Variants in TRERF1 observed in about 807,000 individuals in gnomAD.
The protein encoded by TRERF1 is transcriptional-regulating factor 1.
Under a neutral mutation model 122.9 loss-of-function variants are expected in TRERF1, and 27 were observed. The ratio of observed to expected loss-of-function variants is 0.22; its 90% CI spans 0.16 to 0.30. The LOEUF is 0.30. Ranked by LOEUF, TRERF1 falls within the 10% of genes least tolerant of loss-of-function variation. TRERF1 has a pLI of 1.00. For synonymous variants in TRERF1, 636 were observed against 641.7 expected (o/e 0.99, Z 0.13); for missense variants, 1,248 against 1,560.3 (o/e 0.80, Z 3.37).
At chr6:42,226,218 T>G (rs1769484835) in exon 18 of TRERF1, 1 of 152,220 alleles carries the variant, frequency 6.6e-6, no homozygotes, top group Non-Finnish European at 1.5e-5. Context: ...CCATGGCAAC[T>G]GAGTTTATTT....
At chr6:42,371,146 C>T (rs975606514) in intron 2 of TRERF1, among the ~76,000 whole-genome samples, 1 of 152,126 alleles carries the variant, frequency 6.6e-6, no homozygotes, top group African/African-American at 2.4e-5. Flanking sequence ...GCAGCAAGAA[C>T]AGAACTGAGA....
intron 3 of TRERF1, among the ~76,000 whole-genome samples, chr6:42,336,075 T>TAGCCACATGTGGC (rs1766115857): frequency 6.6e-6 from 1 of 152,192 alleles, no homozygotes; most frequent in South Asian, 2.1e-4. Context: ...TAAATTTAAA[T>TAGCCACATGTGGC]AGCCACATGT....
At chr6:42,368,115 T>C (rs1319418357) in intron 2 of TRERF1, among the ~76,000 whole-genome samples, 1 of 152,094 alleles carries the variant, frequency 6.6e-6, no homozygotes, top group Non-Finnish European at 1.5e-5. Context: ...CTTGGGAGAT[T>C]GTTCACAATC....
chr6:42,407,440 C>T (rs938434381), intron 2 of TRERF1, among the ~76,000 whole-genome samples: 1 of 152,120 alleles, frequency 6.6e-6, no homozygotes, highest in Non-Finnish European at 1.5e-5. Flanking sequence ...TGGGACAAAA[C>T]GAGGGAGAGT....
At chr6:42,251,014 TGAGACAGG>T (rs1775696272) in intron 13 of TRERF1, among the ~76,000 whole-genome samples, 1 of 139,898 alleles carries the variant, frequency 7.1e-6, no homozygotes. Context: ...TTTTTTTTTT[TGAGACAGG>T]GTCTCACTCT....
Position 42,259,619 on chromosome 6 carries a change from G to A in TRERF1, c.1989C>T (p.Ile663=), listed in dbSNP as rs773831116. ...TCGGGTTGTAGGAGGGCGGCGGCGG[G>A]ATGAAGAGAGGTTCCGGCCGGTGCC... The change falls in exon 9 of 18, where the codon ATC becomes ATT. Residue 663 remains isoleucine, a synonymous_variant. Coordinates refer to ENST00000372922, the Ensembl canonical transcript of TRERF1. This position sits in a 1 kb window ranked among gnomAD's most constrained non-coding sequence, Gnocchi z 4.9. 1 of 1,613,744 alleles carries A rather than the reference G, an allele frequency of 6.2e-7. No individual in the cohort carries two copies. Among genetic ancestry groups the A allele is most frequent in the Non-Finnish European group, 8.5e-7 (1 of 1,179,984 alleles).
At chr6:42,429,903 G>A (rs573552020) in intron 2 of TRERF1, among the ~76,000 whole-genome samples, 1 of 152,312 alleles carries the variant, frequency 6.6e-6, no homozygotes, top group South Asian at 2.1e-4. Context: ...CCTAACTGGA[G>A]AGGTGAGGAA....
At chr6:42,425,584 T>C (rs1221884374) in intron 2 of TRERF1, among the ~76,000 whole-genome samples, 1 of 109,974 alleles carries the variant, frequency 9.1e-6, no homozygotes, top group Non-Finnish European at 1.7e-5. Flanking sequence ...CGCACTGTCG[T>C]CAGGGCTGGA....
chr6:42,441,929 C>T (rs1786594886), intron 2 of TRERF1, among the ~76,000 whole-genome samples: 1 of 152,126 alleles, frequency 6.6e-6, no homozygotes, highest in Non-Finnish European at 1.5e-5. Flanking sequence ...CCCAGGCACA[C>T]AGAGCCATCA....
chr6:42,248,316 G>A (rs1296624776), intron 13 of TRERF1, among the ~76,000 whole-genome samples: 2 of 152,130 alleles, frequency 1.3e-5, no homozygotes, highest in East Asian at 3.9e-4. Context: ...ACAAAAGCAG[G>A]GCCACCACCC....
rs142257528 is a variant in TRERF1 at position 42,228,533 on chromosome 6, C to G, written c.3415G>C (p.Val1139Leu). 4 of 1,614,080 alleles carry G rather than the reference C, an allele frequency of 2.5e-6. No homozygotes were observed. The highest frequency in any genetic ancestry group is 2.2e-5 in the East Asian group (1 of 44,890). Residue 1139 changes from valine (V) to leucine (L), a missense_variant, in exon 18 of 18, where the codon GTG becomes CTG. Physicochemically the swap from Val to Leu is conservative, Grantham distance 32 (BLOSUM62 1). Coordinates refer to ENST00000372922, the Ensembl canonical transcript of TRERF1. The surrounding 1 kb of genome is among the most constrained non-coding windows in gnomAD (Gnocchi z 4.2). ...AGGGGCAGCAGCCCCGGCGCCCCCACGGGCCCCGTAGTCCTCTCAATCGTG... is the reference window on the plus strand; with the variant it reads ...AGGGGCAGCAGCCCCGGCGCCCCCAGGGGCCCCGTAGTCCTCTCAATCGTG...
chr6:42,367,113 G>A (rs1336596187), intron 2 of TRERF1, among the ~76,000 whole-genome samples: 1 of 152,158 alleles, frequency 6.6e-6, no homozygotes, highest in Non-Finnish European at 1.5e-5. Flanking sequence ...GGCTCTGCAT[G>A]AGTGACTGTG....
chr6:42,280,608 T>C (rs953781748), intron 4 of TRERF1, among the ~76,000 whole-genome samples: 13 of 152,176 alleles, frequency 8.5e-5, no homozygotes, highest in African/African-American at 2.9e-4. Flanking sequence ...ACATCTCCCC[T>C]GTTCTTCATG....
intron 4 of TRERF1, among the ~76,000 whole-genome samples, chr6:42,274,554 C>T (rs1288224480): frequency 6.6e-6 from 1 of 152,102 alleles, no homozygotes; most frequent in Non-Finnish European, 1.5e-5. Flanking sequence ...TGGTGCACCC[C>T]TGTAGTCCCA....
At chr6:42,271,653 ATAATT>A (rs1582725076) in intron 4 of TRERF1, among the ~76,000 whole-genome samples, 1 of 152,250 alleles carries the variant, frequency 6.6e-6, no homozygotes, top group Admixed American at 6.5e-5. Context: ...CATTTTCAAT[ATAATT>A]TAACTATTTA....
At chr6:42,271,879 C>T (rs544251879) in intron 4 of TRERF1, among the ~76,000 whole-genome samples, 1 of 152,202 alleles carries the variant, frequency 6.6e-6, no homozygotes, top group African/African-American at 2.4e-5. Flanking sequence ...AAATATATTA[C>T]ACATATCACA....
chr6:42,307,328 G>C (rs1787437873), intron 3 of TRERF1, among the ~76,000 whole-genome samples: 1 of 152,096 alleles, frequency 6.6e-6, no homozygotes, highest in Admixed American at 6.5e-5. Flanking sequence ...CCTTTATTCA[G>C]GTTTATCACG....
At chr6:42,262,434 C>CAG (rs71778190) in intron 8 of TRERF1, among the ~76,000 whole-genome samples, 405 of 22,540 alleles carry the variant, frequency 0.018, 42 homozygotes, top group East Asian at 0.097. Context: ...TCCCTAGGGG[C>CAG]AGAGAGAGAG....
At chr6:42,277,844 T>TAAG (rs1554141509) in intron 4 of TRERF1, among the ~76,000 whole-genome samples, 1 of 95,548 alleles carries the variant, frequency 1.0e-5, no homozygotes, top group Non-Finnish European at 2.3e-5. Context: ...AATAAATAAA[T>TAAG]AAGAAGAAGA....
Sources: allele counts gnomAD v4.1 joint callset (sites outside exome capture counted in the v4.1 genomes callset), GRCh38; gene constraint gnomAD v4.1.1; non-coding constraint Gnocchi (gnomAD v3.1); transcripts MANE v1.5; gene names NCBI Gene and HGNC (gene_info 2026-07-23, HGNC 2026-07-21).